Variants in ACHE observed in about 807,000 individuals in gnomAD.
ACHE encodes the protein acetylcholinesterase.
Under a neutral mutation model 53.9 loss-of-function variants are expected in ACHE, and 19 were observed. The observed-to-expected ratio is 0.35, with a 90% CI of 0.25 to 0.52. ACHE has a LOEUF of 0.52. Ranked by LOEUF, ACHE falls within the 20% of genes least tolerant of loss-of-function variation. The pLI, the probability that ACHE is intolerant of heterozygous loss-of-function variation, is 0.95. For missense variants in ACHE, 605 were observed against 849.4 expected (o/e 0.71, Z 3.58); for synonymous variants, 392 against 378.1 (o/e 1.04, Z -0.43).
At chr7:100,891,022 G>A in intron 4 of ACHE, 147 bp downstream of exon 4, 1 of 1,456,706 alleles carries the variant, frequency 6.9e-7, no homozygotes. Flanking sequence ...GAGGGGCAGG[G>A]GGAGGCCGGG....
In ACHE at chr7:100,892,858, CACAG is replaced by C. The variant is rs763958204; in HGVS notation, c.1069-44_1069-41del. On this transcript the variant is annotated intron_variant, in intron 2 of 4. Transcript: ENST00000241069. The surrounding 1 kb of genome is among the most constrained non-coding windows in gnomAD (Gnocchi z 5.2). ...GAGGGGGGTGGGATGGAGCGACAGG[CACAG>C]ACAGACAAGTAGACAGAAACAGATG... is the stretch of plus-strand genomic sequence containing the variant. 3 of 1,512,468 alleles carry C rather than the reference CACAG, an allele frequency of 2.0e-6. No homozygotes were observed. Among genetic ancestry groups the C allele is most frequent in the South Asian group, 1.2e-5 (1 of 80,080 alleles). The allele number at this position is 1,512,468 out of a possible 1,614,324, so 93.7% of individuals were successfully genotyped here.
In ACHE at chr7:100,893,749, C is replaced by T; in HGVS notation, c.484G>A (p.Asp162Asn). 2 of 1,613,756 alleles carry T rather than the reference C, an allele frequency of 1.2e-6. No homozygotes were observed. The highest frequency in any genetic ancestry group is 1.7e-6 in the Non-Finnish European group (2 of 1,180,044). Residue 162 changes from aspartate (D) to asparagine (N), a missense_variant, in exon 2 of 5, where the codon GAC (aspartate) becomes AAC (asparagine). Asp to Asn is a conservative substitution (Grantham distance 23, BLOSUM62 1). Coordinates refer to ENST00000241069, the MANE Select transcript of ACHE (RefSeq NM_000665.5). ...ACCAAGAAGCGGCCATCGTACACGT[C>T]CAAGGAGGAGGCCCCACTGTAGAAG... ...GGFYSGASSL[D>N]VYDGRFLVQA...
Position 100,892,111 on chromosome 7 carries a change from T to C in ACHE, c.1553+223A>G, listed in dbSNP as rs1468975973. On this transcript the variant is annotated intron_variant, in intron 3 of 4. Coordinates refer to ENST00000241069, the MANE Select transcript of ACHE (RefSeq NM_000665.5). This position sits in a 1 kb window ranked among gnomAD's most constrained non-coding sequence, Gnocchi z 5.2. Reference sequence around the variant, plus strand: ...CCCCCTCCATGTCTACCTCGTCTCCTCCTCACTTTCCTTTGCCTCTGTCTC... The same window carrying C: ...CCCCCTCCATGTCTACCTCGTCTCCCCCTCACTTTCCTTTGCCTCTGTCTC... 2.0e-5 allele frequency among the ~76,000 whole-genome samples: 3 copies of C among 151,736 alleles called. No homozygotes were observed. The highest frequency in any genetic ancestry group is 2.9e-5 in the Non-Finnish European group (2 of 67,942).
In ACHE at chr7:100,891,153, G is replaced by A. The variant is rs749884996; in HGVS notation, c.1723+16C>T. 2 of 1,590,720 alleles carry A rather than the reference G, an allele frequency of 1.3e-6. No homozygotes were observed. Among genetic ancestry groups the A allele is most frequent in the African/African-American group, 1.3e-5 (1 of 74,554 alleles). On this transcript the variant is annotated intron_variant, in intron 4 of 4. Coordinates refer to ENST00000241069, the MANE Select transcript of ACHE (RefSeq NM_000665.5). ...ACTCCCCTCCTCCCAGCCGCTGCCC[G>A]CTGGCCCCTGCATACCGGTGGCGCT...
rs1790740177 is a variant in ACHE at position 100,892,191 on chromosome 7, T to C, written c.1553+143A>G. 2 of 1,066,932 alleles carry C rather than the reference T, an allele frequency of 1.9e-6. No homozygotes were observed. The highest frequency in any genetic ancestry group is 1.2e-6 in the Non-Finnish European group (1 of 815,850). The allele number at this position is 1,066,932 out of a possible 1,614,324, so 66.1% of individuals were successfully genotyped here. A position where few individuals can be genotyped will look rare whatever the true frequency, so the allele number is the denominator to read the frequency against. On this transcript the variant is annotated intron_variant, in intron 3 of 4. Transcript: ENST00000241069. The surrounding 1 kb of genome is among the most constrained non-coding windows in gnomAD (Gnocchi z 5.2). ...CTTTCTTTTTCTCTCCCCTTTTATC[T>C]ACTTTGTGAGCATATCCCTCTCTGG...
Position 100,892,319 on chromosome 7 carries a change from C to G in ACHE, c.1553+15G>C, listed in dbSNP as rs781179503. ...TCCTGTCCTCCCCAGCCTTCTCTCCCTCTGCACTGCTGACCCTGTGCGGGC... is the reference window on the plus strand; with the variant it reads ...TCCTGTCCTCCCCAGCCTTCTCTCCGTCTGCACTGCTGACCCTGTGCGGGC... On this transcript the variant is annotated intron_variant, in intron 3 of 4. Transcript: ENST00000241069. The surrounding 1 kb of genome is among the most constrained non-coding windows in gnomAD (Gnocchi z 5.2). 13 of 1,502,572 alleles carry G rather than the reference C, an allele frequency of 8.7e-6. No homozygotes were observed. The highest frequency in any genetic ancestry group is 1.2e-5 in the Non-Finnish European group (13 of 1,123,480). The allele number at this position is 1,502,572 out of a possible 1,614,324, so 93.1% of individuals were successfully genotyped here.
intron 4 of ACHE, chr7:100,890,845 G>C: frequency 7.0e-7 from 1 of 1,427,882 alleles, no homozygotes; most frequent in Non-Finnish European, 9.2e-7. Flanking sequence ...TGAGTCTCTC[G>C]GTTTGAGGAG....
At chr7:100,890,980 A>C in intron 4 of ACHE, 189 bp downstream of exon 4, 2 of 1,458,868 alleles carry the variant, frequency 1.4e-6, no homozygotes, top group South Asian at 2.9e-5. Flanking sequence ...GAGGTGGGAG[A>C]GGAAGAGGAG....
Position 100,893,767 on chromosome 7 carries a change from T to C in ACHE, c.466A>G (p.Ser156Gly). ...TACACGTCCAAGGAGGAGGCCCCAC[T>C]GTAGAAGCCACCCCCATAGATCCAG... The part of the protein sequence containing the change: ...LVWIYGGGFY[S>G]GASSLDVYDG... The change falls in exon 2 of 5, where the codon AGT (serine) becomes GGT (glycine). Residue 156 changes from serine (S) to glycine (G), a missense_variant. Physicochemically the swap from Ser to Gly is moderately conservative, Grantham distance 56. Around this residue, in one of 4 missense-constraint regions of ACHE, gnomAD observed 397 missense variants for 632.5 expected, o/e 0.63. Coordinates refer to ENST00000241069, the MANE Select transcript of ACHE (RefSeq NM_000665.5). 6.2e-7 allele frequency: 1 copy of C among 1,613,728 alleles called. No individual in the cohort carries two copies. The highest frequency in any genetic ancestry group is 8.5e-7 in the Non-Finnish European group (1 of 1,180,012).
chr7:100,891,935 C>T (rs960770194), intron 3 of ACHE, among the ~76,000 whole-genome samples: 3 of 152,092 alleles, frequency 2.0e-5, no homozygotes, highest in East Asian at 1.9e-4. Context: ...CACGAGCCAC[C>T]GTGCCTGGCT....
intron 4 of ACHE, chr7:100,890,605 AG>A: frequency 2.4e-6 from 3 of 1,275,280 alleles, no homozygotes; most frequent in East Asian, 3.2e-5. Flanking sequence ...AGGGGACAGG[AG>A]GGGGAGGTTG....
rs1264984202 is a variant in ACHE at position 100,892,588 on chromosome 7, C to T, written c.1299G>A (p.Val433=). Residue 433 remains valine (V), a synonymous_variant, in exon 3 of 5, where the codon GTG becomes GTA. Transcript: ENST00000241069. The surrounding 1 kb of genome is among the most constrained non-coding windows in gnomAD (Gnocchi z 5.2). ...CGGGGCACACGACATTGTGGTCGCC[C>T]ACCACATCGCTCAGGGCCTCCCTCA... is the stretch of plus-strand genomic sequence containing the variant. ...ARLREALSDV[V]GDHNVVCPVA... 1 of 1,613,390 alleles carries T rather than the reference C, an allele frequency of 6.2e-7. No homozygotes were observed. Among genetic ancestry groups the T allele is most frequent in the Admixed American group, 1.7e-5 (1 of 59,992 alleles).
At position 100,892,165 on chromosome 7, in the gene ACHE, CCTTT is replaced by C. The variant is rs1446475638; in HGVS notation, c.1553+165_1553+168del. The stretch of plus-strand genomic sequence containing the variant: ...AAGACCCCCTCTGCCTTCTCTGTCT[CCTTT>C]CTTTTTCTCTCCCCTTTTATCTACT... On this transcript the variant is annotated intron_variant, in intron 3 of 4. Transcript: ENST00000241069. The surrounding 1 kb of genome is among the most constrained non-coding windows in gnomAD (Gnocchi z 5.2). 6.6e-6 allele frequency among the ~76,000 whole-genome samples: 1 copy of C among 151,826 alleles called. No homozygotes were observed. Among genetic ancestry groups the C allele is most frequent in the East Asian group, 1.9e-4 (1 of 5,166 alleles).
Position 100,890,113 on chromosome 7 carries a change from C to T in ACHE, c.*101G>A. On this transcript the variant is annotated 3_prime_UTR_variant, in exon 5 of 5. Transcript: ENST00000241069. ...GACGTCGGGGTGGGGTGGGGATGGG[C>T]AGAGTCTGGGGCTCGTCTGTGTTAT... The T allele has an allele frequency of 2.7e-6, 4 of 1,455,196 alleles. No homozygotes were observed. Among genetic ancestry groups the T allele is most frequent in the Non-Finnish European group, 3.7e-6 (4 of 1,080,000 alleles). The allele number at this position is 1,455,196 out of a possible 1,614,324, so 90.1% of individuals were successfully genotyped here. A position where few individuals can be genotyped will look rare whatever the true frequency, so the allele number is the denominator to read the frequency against.
chr7:100,894,221 C>A lies in ACHE; in HGVS notation c.12G>T (p.Pro4=). The change falls in exon 2 of 5, where the codon CCG becomes CCT. Residue 4 remains proline, a synonymous_variant. Transcript: ENST00000241069. The part of the protein sequence containing the change: MRP[P]QCLLHTPSLA... ...GGGAAGGCGTGTGCAGCAGACACTGCGGGGGCCTCATGGCTGCAGGGCAGG... is the reference window on the plus strand; with the variant it reads ...GGGAAGGCGTGTGCAGCAGACACTGAGGGGGCCTCATGGCTGCAGGGCAGG... 1.4e-6 allele frequency: 2 copies of A among 1,447,040 alleles called. No individual in the cohort carries two copies. The highest frequency in any genetic ancestry group is 9.1e-7 in the Non-Finnish European group (1 of 1,104,830). 89.6% of individuals were successfully genotyped at this position (1,447,040 alleles called of 1,614,324 possible).
rs1399936353 is a variant in ACHE, at chr7:100,892,545, G to A, written c.1342C>T (p.Arg448Ter). The change falls in exon 3 of 5, where the codon CGA (arginine) becomes TGA (stop). Residue 448 changes from arginine (R) to a stop codon, truncating the protein, a stop_gained. Coordinates refer to ENST00000241069, the MANE Select transcript of ACHE (RefSeq NM_000665.5). LOFTEE classifies it high-confidence loss of function. This position sits in a 1 kb window ranked among gnomAD's most constrained non-coding sequence, Gnocchi z 5.2. The stretch of plus-strand genomic sequence containing the variant: ...ACCCGGGCACCCTGGGCAGCCAGTC[G>A]CCCAGCCAGCTGGGCCACGGGGCAC... ...VVCPVAQLAGRLAAQGARVYA... is the reference protein window; with the variant it reads ...VVCPVAQLAG 5 of 1,610,464 alleles carry A rather than the reference G, an allele frequency of 3.1e-6. No homozygotes were observed. The highest frequency in any genetic ancestry group is 3.4e-6 in the Non-Finnish European group (4 of 1,177,668).
rs763680727 is a variant in ACHE, at chr7:100,892,397, G to A, written c.1490C>T (p.Thr497Met). ...CTGGGCGAAGATTTTCTCCTCTGCCGTGTAGTTTCGAGAGGGGTCCAGGGG... is the reference window on the plus strand; with the variant it reads ...CTGGGCGAAGATTTTCTCCTCTGCCATGTAGTTTCGAGAGGGGTCCAGGGG... The part of the protein sequence containing the change: ...GIPLDPSRNY[T>M]AEEKIFAQRL... The change falls in exon 3 of 5, where the codon ACG (threonine) becomes ATG (methionine). Residue 497 changes from threonine to methionine, a missense_variant. Thr to Met is a moderately conservative substitution (Grantham distance 81, BLOSUM62 -1). Coordinates refer to ENST00000241069, the MANE Select transcript of ACHE (RefSeq NM_000665.5). This position sits in a 1 kb window ranked among gnomAD's most constrained non-coding sequence, Gnocchi z 5.2. 19 of 1,518,722 alleles carry A rather than the reference G, an allele frequency of 1.3e-5. No homozygotes were observed. The highest frequency in any genetic ancestry group is 6.4e-5 in the Admixed American group (3 of 46,868). 94.1% of individuals were successfully genotyped at this position (1,518,722 alleles called of 1,614,324 possible).
intron 4 of ACHE, chr7:100,890,620 G>T: frequency 7.4e-7 from 1 of 1,358,326 alleles, no homozygotes. Flanking sequence ...GAGGTTGGGG[G>T]AAAAAGAAGA....
Position 100,890,057 on chromosome 7 carries a change from T to A in ACHE, c.*157A>T. On this transcript the variant is annotated 3_prime_UTR_variant, in exon 5 of 5. Coordinates refer to ENST00000241069, the MANE Select transcript of ACHE (RefSeq NM_000665.5). ...GCACCGCGGGGGAGGGAGCTCAGCCTGAGACATGCAGAGGACCGGGAGCCC... is the reference window on the plus strand; with the variant it reads ...GCACCGCGGGGGAGGGAGCTCAGCCAGAGACATGCAGAGGACCGGGAGCCC... The A allele has an allele frequency of 2.3e-6, 2 of 872,206 alleles. No homozygotes were observed. Among genetic ancestry groups the A allele is most frequent in the Non-Finnish European group, 3.4e-6 (2 of 587,368 alleles). The allele number at this position is 872,206 out of a possible 1,614,324, so 54.0% of individuals were successfully genotyped here.
Sources: allele counts gnomAD v4.1 joint callset (sites outside exome capture counted in the v4.1 genomes callset), GRCh38; gene constraint gnomAD v4.1.1; regional missense constraint gnomAD v4.1.1; non-coding constraint Gnocchi (gnomAD v3.1); transcripts MANE v1.5; gene names NCBI Gene and HGNC (gene_info 2026-07-23, HGNC 2026-07-21).